CCSER1: variants seen among roughly 807,000 people sequenced by gnomAD.
The protein encoded by CCSER1 is serine-rich coiled-coil domain-containing protein 1.
In CCSER1, 41 loss-of-function variants were observed where a neutral mutation model predicts 82.0. The ratio of observed to expected loss-of-function variants is 0.50; its 90% confidence interval spans 0.39 to 0.65. The LOEUF (loss-of-function observed/expected upper bound fraction) is 0.65. Ranked by LOEUF, CCSER1 falls within the 30% of genes least tolerant of loss-of-function variation. CCSER1 has a pLI of 0.00. For missense variants in CCSER1, 1,119 were observed against 1,064.2 expected (o/e 1.05, Z -0.72); for synonymous variants, 414 against 383.9 (o/e 1.08, Z -0.92).
intron 10 of CCSER1, among the ~76,000 whole-genome samples, chr4:91,145,269 A>G (rs1247064310): frequency 6.6e-6 from 1 of 152,064 alleles, no homozygotes; most frequent in African/African-American, 2.4e-5. Flanking sequence ...CTAATACATG[A>G]ATAGTGTTCC....
chr4:90,972,057 C>T (rs1436878958), intron 9 of CCSER1, among the ~76,000 whole-genome samples: 1 of 151,842 alleles, frequency 6.6e-6, no homozygotes. Flanking sequence ...AAGCTCTATG[C>T]TTTTCCTCTA....
chr4:90,536,436 G>A (rs1775373906), intron 5 of CCSER1, among the ~76,000 whole-genome samples: 1 of 152,180 alleles, frequency 6.6e-6, no homozygotes, highest in Non-Finnish European at 1.5e-5. Flanking sequence ...TGTATATACT[G>A]TAATTGAGAA....
chr4:90,791,898 T>C (rs1288770747), intron 7 of CCSER1, among the ~76,000 whole-genome samples: 1 of 151,508 alleles, frequency 6.6e-6, no homozygotes, highest in Non-Finnish European at 1.5e-5. Context: ...AAGTATAGGC[T>C]AAATGTAAGT....
intron 9 of CCSER1, among the ~76,000 whole-genome samples, chr4:90,999,193 G>A (rs941398259): frequency 6.6e-6 from 1 of 152,108 alleles, no homozygotes; most frequent in Non-Finnish European, 1.5e-5. Context: ...CGATGAACAT[G>A]TGAGTGCTGT....
chr4:91,493,451 A>C (rs534359111), intron 10 of CCSER1, among the ~76,000 whole-genome samples: 1,755 of 151,808 alleles, frequency 0.012, 12 homozygotes, highest in African/African-American at 0.023. Context: ...TTATTATGAA[A>C]AAAAATATGA....
chr4:91,470,028 T>G (rs1201258570), intron 10 of CCSER1, among the ~76,000 whole-genome samples: 1 of 152,212 alleles, frequency 6.6e-6, no homozygotes, highest in Non-Finnish European at 1.5e-5. Context: ...CAAATTACCT[T>G]CATGGACTTT....
chr4:90,922,765 A>G (rs1728564584), intron 8 of CCSER1, among the ~76,000 whole-genome samples: 2 of 152,164 alleles, frequency 1.3e-5, no homozygotes, highest in African/African-American at 4.8e-5. Context: ...GGAAGGTCCC[A>G]GAAAAAAGCA....
intron 10 of CCSER1, among the ~76,000 whole-genome samples, chr4:91,280,998 G>C (rs562421962): frequency 3.3e-5 from 5 of 152,126 alleles, no homozygotes. Flanking sequence ...GTCATTGGGT[G>C]GTCTCTGAAA....
At chr4:90,191,512 A>G (rs974871466) in intron 1 of CCSER1, among the ~76,000 whole-genome samples, 4 of 151,972 alleles carry the variant, frequency 2.6e-5, no homozygotes, top group African/African-American at 9.7e-5. Flanking sequence ...GCACTATACC[A>G]GTAGTGTGGG....
intron 5 of CCSER1, among the ~76,000 whole-genome samples, chr4:90,517,441 T>C (rs1408881095): frequency 6.6e-6 from 1 of 152,106 alleles, no homozygotes; most frequent in Non-Finnish European, 1.5e-5. Flanking sequence ...TGTATCTGAC[T>C]CACATAAGTA....
rs1332750947 is a variant in CCSER1, at chr4:90,309,119, A to G, written c.835A>G (p.Ser279Gly). The change falls in exon 2 of 11, where the codon AGC (serine) becomes GGC (glycine). Residue 279 changes from serine to glycine, a missense_variant. By Grantham distance (56) the Ser-to-Gly change is moderately conservative (BLOSUM62 0). Coordinates refer to ENST00000509176, the MANE Select transcript of CCSER1 (RefSeq NM_001145065.2). ...AATGGATGCATTTTCTAAAAGTGGA[A>G]GCATGGCATCCCACTGTGACAACTT... ...SEMDAFSKSG[S>G]MASHCDNFGH... 6.2e-7 allele frequency: 1 copy of G among 1,613,804 alleles called. No individual in the cohort carries two copies. The highest frequency in any genetic ancestry group is 1.3e-5 in the African/African-American group (1 of 74,908).
intron 9 of CCSER1, among the ~76,000 whole-genome samples, chr4:91,022,954 G>T (rs1303028493): frequency 1.3e-5 from 2 of 152,100 alleles, no homozygotes; most frequent in Non-Finnish European, 2.9e-5. Context: ...CTCCCATTCT[G>T]TAGGTTGCCT....
chr4:90,312,919 CGAT>C lies in CCSER1; in HGVS notation c.1382_1384del (p.Arg461_Ser462delinsPro), dbSNP rs1218419429. The C allele has an allele frequency of 1.9e-6, 3 of 1,584,444 alleles. No homozygotes were observed. The highest frequency in any genetic ancestry group is 2.6e-6 in the Non-Finnish European group (3 of 1,163,774). On this transcript the variant is annotated inframe_deletion, in exon 3 of 11. Transcript: ENST00000509176. ...AGGAAGATTTATAGAGAGGAGACTG[CGAT>C]CCTCGTCAGAAGGCACTGCAGGGAG...
intron 1 of CCSER1, among the ~76,000 whole-genome samples, chr4:90,242,529 A>T (rs1415055328): frequency 6.6e-6 from 1 of 152,210 alleles, no homozygotes; most frequent in East Asian, 1.9e-4. Context: ...AAATGAGTGT[A>T]TTGAAGAGAT....
intron 8 of CCSER1, among the ~76,000 whole-genome samples, chr4:90,819,754 A>T (rs1473953615): frequency 6.6e-6 from 1 of 152,230 alleles, no homozygotes; most frequent in Non-Finnish European, 1.5e-5. Context: ...GAACAATTTT[A>T]AAAAGTCAAG....
chr4:90,256,854 A>G (rs1464955629), intron 1 of CCSER1, among the ~76,000 whole-genome samples: 1 of 152,148 alleles, frequency 6.6e-6, no homozygotes, highest in Non-Finnish European at 1.5e-5. Flanking sequence ...TTTGAGAGAG[A>G]GAAAGAGGGA....
chr4:91,406,327 G>T (rs545722535), intron 10 of CCSER1, among the ~76,000 whole-genome samples: 2 of 152,062 alleles, frequency 1.3e-5, no homozygotes, highest in Non-Finnish European at 2.9e-5. Flanking sequence ...AAACAGCAGG[G>T]TCTCTTTTAC....
chr4:90,747,299 C>T (rs376732020), intron 7 of CCSER1, among the ~76,000 whole-genome samples: 4 of 152,234 alleles, frequency 2.6e-5, no homozygotes, highest in South Asian at 4.2e-4. Flanking sequence ...TTCCTAGATG[C>T]AGGCAAAATA....
At chr4:91,178,814 T>G (rs1733687734) in intron 10 of CCSER1, among the ~76,000 whole-genome samples, 1 of 152,164 alleles carries the variant, frequency 6.6e-6, no homozygotes, top group Non-Finnish European at 1.5e-5. Context: ...AAGGTTAATA[T>G]TGTTATGTGT....
Sources: allele counts gnomAD v4.1 joint callset (sites outside exome capture counted in the v4.1 genomes callset), GRCh38; gene constraint gnomAD v4.1.1; transcripts MANE v1.5; gene names NCBI Gene and HGNC (gene_info 2026-07-23, HGNC 2026-07-21).